Variants in SCAI observed in about 807,000 individuals in gnomAD.
SCAI encodes protein SCAI.
Under a neutral mutation model 92.2 loss-of-function variants are expected in SCAI, and 24 were observed. That is an observed-to-expected ratio of 0.26 (90% confidence interval 0.19 to 0.37). SCAI has a LOEUF of 0.37. Among genes scored for constraint, SCAI ranks in the 10% least tolerant of loss-of-function variants. The pLI, the probability that SCAI is intolerant of heterozygous loss-of-function variation, is 1.00. For synonymous variants in SCAI, 261 were observed against 258.6 expected (o/e 1.01, Z -0.09); for missense variants, 450 against 736.2 (o/e 0.61, Z 4.50).
intron 2 of SCAI, among the ~76,000 whole-genome samples, chr9:125,081,136 G>A (rs1005917700): frequency 6.6e-6 from 1 of 152,220 alleles, no homozygotes; most frequent in Non-Finnish European, 1.5e-5. Flanking sequence ...ATGTCTTTGT[G>A]AGCAGAGTGA....
At chr9:124,983,541 C>T (rs1329062197) in intron 14 of SCAI, among the ~76,000 whole-genome samples, 1 of 151,838 alleles carries the variant, frequency 6.6e-6, no homozygotes, top group Non-Finnish European at 1.5e-5. Flanking sequence ...TTAGTAGAGA[C>T]AGGGTTTCAC....
chr9:124,983,176 A>T (rs1588131415), intron 14 of SCAI, among the ~76,000 whole-genome samples: 1 of 151,956 alleles, frequency 6.6e-6, no homozygotes, highest in Admixed American at 6.6e-5. Context: ...AAAAAAAAAA[A>T]AAGCATTCAC....
intron 2 of SCAI, among the ~76,000 whole-genome samples, chr9:125,098,970 A>G (rs1483094009): frequency 3.3e-5 from 5 of 152,106 alleles, no homozygotes; most frequent in Non-Finnish European, 5.9e-5. Context: ...AAAATCACAG[A>G]TTAAAAAAAA....
intron 2 of SCAI, among the ~76,000 whole-genome samples, chr9:125,070,501 G>A (rs1475601678): frequency 1.3e-5 from 2 of 148,242 alleles, no homozygotes; most frequent in African/African-American, 5.0e-5. Context: ...CAGGATTCAA[G>A]CAATTCTCCT....
intron 2 of SCAI, among the ~76,000 whole-genome samples, chr9:125,114,291 G>A (rs1834992507): frequency 6.6e-6 from 1 of 152,090 alleles, no homozygotes; most frequent in South Asian, 2.1e-4. Flanking sequence ...TATGGTACAG[G>A]AAAAGAGCTG....
At chr9:125,047,214 C>T (rs940211121) in intron 3 of SCAI, among the ~76,000 whole-genome samples, 4 of 151,964 alleles carry the variant, frequency 2.6e-5, no homozygotes, top group Admixed American at 6.6e-5. Context: ...ATATGAGTTG[C>T]GTCCTTAGAA....
intron 2 of SCAI, among the ~76,000 whole-genome samples, chr9:125,127,884 T>G (rs1477645638): frequency 1.3e-5 from 2 of 152,040 alleles, no homozygotes; most frequent in Non-Finnish European, 2.9e-5. Context: ...GGTGCGTTCC[T>G]GTAGTCCCAG....
chr9:125,074,682 C>A (rs900932338), intron 2 of SCAI, among the ~76,000 whole-genome samples: 2 of 151,738 alleles, frequency 1.3e-5, no homozygotes, highest in African/African-American at 4.8e-5. Context: ...AAATACAAAC[C>A]CAATAAAATC....
chr9:125,142,826 C>G, intron 1 of SCAI, 149 bp from the exon 2 acceptor site: 1 of 664,016 alleles, frequency 1.5e-6, no homozygotes, highest in South Asian at 1.7e-5. Context: ...CGCCTCATGC[C>G]CTGTTTCCCC....
chr9:125,106,553 T>C (rs764574140), intron 2 of SCAI, among the ~76,000 whole-genome samples: 2 of 152,100 alleles, frequency 1.3e-5, no homozygotes, highest in Admixed American at 6.6e-5. Flanking sequence ...CATGTGAATC[T>C]TAAACTAAGT....
chr9:125,042,711 T>C (rs1009081054), intron 3 of SCAI, among the ~76,000 whole-genome samples: 2 of 150,152 alleles, frequency 1.3e-5, no homozygotes, highest in Non-Finnish European at 3.0e-5. Flanking sequence ...TTAGGAATTA[T>C]GGCCAGTAAG....
Position 125,003,047 on chromosome 9 carries a change from A to C in SCAI, c.1065+67T>G, listed in dbSNP as rs1317427450. The C allele has an allele frequency of 5.1e-6, 5 of 979,658 alleles. No homozygotes were observed. In the African/African-American group the frequency reaches 8.2e-5, roughly 16 times the overall value. The allele number at this position is 979,658 out of a possible 1,614,324, so 60.7% of individuals were successfully genotyped here. On this transcript the variant is annotated intron_variant, in intron 11 of 17. Transcript: ENST00000336505. ...AAACTCTTAAGTATTTTTTCAAAAGAGTGACTCTTAGATTTTAGTTAGGGC... is the reference window on the plus strand; with the variant it reads ...AAACTCTTAAGTATTTTTTCAAAAGCGTGACTCTTAGATTTTAGTTAGGGC...
intron 12 of SCAI, among the ~76,000 whole-genome samples, 186 bp downstream of exon 12, chr9:125,001,779 T>A (rs1455820224): frequency 6.6e-6 from 1 of 152,220 alleles, no homozygotes; most frequent in Non-Finnish European, 1.5e-5. Flanking sequence ...CTTTGACATA[T>A]AACATTTCAG....
intron 9 of SCAI, among the ~76,000 whole-genome samples, chr9:125,012,270 C>G (rs1832655764): frequency 6.6e-6 from 1 of 152,144 alleles, no homozygotes; most frequent in Non-Finnish European, 1.5e-5. Context: ...CACCAGTGTG[C>G]TGTATTCAGG....
intron 2 of SCAI, among the ~76,000 whole-genome samples, chr9:125,107,870 C>G (rs1564416187): frequency 6.6e-6 from 1 of 152,210 alleles, no homozygotes; most frequent in Non-Finnish European, 1.5e-5. Flanking sequence ...CACGGTCTCC[C>G]TCTGATGCCG....
At chr9:125,046,341 A>AGG (rs1833442130) in intron 3 of SCAI, among the ~76,000 whole-genome samples, 1 of 80,432 alleles carries the variant, frequency 1.2e-5, no homozygotes, top group Non-Finnish European at 2.4e-5. Flanking sequence ...ACATATATAT[A>AGG]TGTGTGTGTG....
At chr9:125,000,047 T>G in intron 12 of SCAI, 57 bp from the exon 13 acceptor site, 1 of 722,710 alleles carries the variant, frequency 1.4e-6, no homozygotes, top group Non-Finnish European at 2.3e-6. Flanking sequence ...ACTGACCTGA[T>G]GTTCAAATAC....
At chr9:125,038,182 A>G (rs925528874) in intron 3 of SCAI, among the ~76,000 whole-genome samples, 1 of 152,090 alleles carries the variant, frequency 6.6e-6, no homozygotes, top group Admixed American at 6.6e-5. Context: ...AATTGAGCCC[A>G]GGAGGTCAAA....
intron 2 of SCAI, among the ~76,000 whole-genome samples, chr9:125,134,286 T>C (rs1055188717): frequency 1.3e-5 from 2 of 152,208 alleles, no homozygotes; most frequent in Non-Finnish European, 2.9e-5. Flanking sequence ...TGTGTAAACC[T>C]TTGTATATAT....
Sources: allele counts gnomAD v4.1 joint callset (sites outside exome capture counted in the v4.1 genomes callset), GRCh38; gene constraint gnomAD v4.1.1; transcripts MANE v1.5; gene names NCBI Gene and HGNC (gene_info 2026-07-23, HGNC 2026-07-21).